SMAD3: variants seen among roughly 807,000 people sequenced by gnomAD.
SMAD3 encodes MAD homolog 3.
Under a neutral mutation model 51.8 loss-of-function variants are expected in SMAD3, and 12 were observed. That is an observed-to-expected ratio of 0.23 (90% CI 0.15 to 0.38). The LOEUF is 0.38. Among genes scored for constraint, SMAD3 ranks in the 10% least tolerant of loss-of-function variants. The pLI is 1.00. For missense variants in SMAD3, 294 were observed against 565.6 expected, an observed-to-expected ratio of 0.52 and a Z score of 4.87; for synonymous variants, 238 against 227.7, an observed-to-expected ratio of 1.05 and a Z score of -0.41.
At chr15:67,108,658 A>T (rs1960934938) in intron 1 of SMAD3, among the ~76,000 whole-genome samples, 1 of 152,130 alleles carries the variant, frequency 6.6e-6, no homozygotes, top group South Asian at 2.1e-4. Flanking sequence ...GCTCCATGGG[A>T]CTGGTCTCTG....
chr15:67,190,677 T>C lies in SMAD3; in HGVS notation c.*141T>C. The C allele has an allele frequency of 2.3e-6, 2 of 863,000 alleles. No individual in the cohort carries two copies. Among genetic ancestry groups the C allele is most frequent in the Non-Finnish European group, 3.7e-6 (2 of 544,980 alleles). 53.5% of individuals were successfully genotyped at this position (863,000 alleles called of 1,614,324 possible). On this transcript the variant is annotated 3_prime_UTR_variant, in exon 9 of 9. Transcript: ENST00000327367. ...TCAACTGAAGGGGTGCACCCACCTG[T>C]TTTCTGAAACACACGAGCAAACCCA...
intron 1 of SMAD3, among the ~76,000 whole-genome samples, chr15:67,144,748 G>A (rs1402708220): frequency 1.3e-5 from 2 of 152,168 alleles, no homozygotes; most frequent in Admixed American, 1.3e-4. Context: ...AAATGTTGAG[G>A]TCTTGCTTTC....
chr15:67,153,556 G>A (rs1394900471), intron 1 of SMAD3, among the ~76,000 whole-genome samples: 1 of 152,170 alleles, frequency 6.6e-6, no homozygotes, highest in Non-Finnish European at 1.5e-5. Context: ...CTTAGCCCAG[G>A]GGGATCTCAA....
At position 67,190,716 on chromosome 15, in the gene SMAD3, T is replaced by C. The variant is rs1378319549; in HGVS notation, c.*180T>C. The C allele has an allele frequency of 7.7e-6, 5 of 652,310 alleles. No individual in the cohort carries two copies. The highest frequency in any genetic ancestry group is 7.2e-5 in the South Asian group (4 of 55,312). 40.4% of individuals were successfully genotyped at this position (652,310 alleles called of 1,614,324 possible). A position where few individuals can be genotyped will look rare whatever the true frequency, so the allele number is the denominator to read the frequency against. ...CGAGCAAACCCAGAGGTGGATGTTA[T>C]GAACAGCTGTGTCTGCCAAACACAT... On this transcript the variant is annotated 3_prime_UTR_variant, in exon 9 of 9. Transcript: ENST00000327367.
rs79913183 is a variant in SMAD3 at position 67,185,231 on chromosome 15, C to T, written c.1009+367C>T. ...GGTAGATGCGGCCCTGCTCTGCCCC[C>T]GCAGACCTTACAGGCCTGCAGAGCA... On this transcript the variant is annotated intron_variant, in intron 7 of 8. Coordinates refer to ENST00000327367, the MANE Select transcript of SMAD3 (RefSeq NM_005902.4). Among the ~76,000 whole-genome samples, 1,481 of 152,290 alleles carry T rather than the reference C, an allele frequency of 9.7e-3. 9 individuals carry two copies. The highest frequency in any genetic ancestry group is 0.015 in the Non-Finnish European group (998 of 68,030).
At position 67,118,661 on chromosome 15, in the gene SMAD3, G is replaced by C. The variant is rs566209830; in HGVS notation, c.207-46234G>C. Among the ~76,000 whole-genome samples, 3 of 152,310 alleles carry C rather than the reference G, an allele frequency of 2.0e-5. No homozygotes were observed. In the South Asian group the frequency reaches 6.2e-4, roughly 32 times the overall value. On this transcript the variant is annotated intron_variant, in intron 1 of 8. Transcript: ENST00000327367. ...CAAAACACCAGTTTAAAATAGCTAG[G>C]TAAGGCTTCACAGTCTCTCAATGTG...
chr15:67,144,233 A>G (rs1961913017), intron 1 of SMAD3, among the ~76,000 whole-genome samples: 1 of 152,076 alleles, frequency 6.6e-6, no homozygotes. Context: ...AAAATTTTAT[A>G]TAAATGGAAT....
intron 1 of SMAD3, among the ~76,000 whole-genome samples, chr15:67,131,536 G>T (rs950350830): frequency 2.6e-5 from 4 of 152,176 alleles, no homozygotes; most frequent in Admixed American, 2.6e-4. Flanking sequence ...CAAGCACTGC[G>T]CAGGGTGCTG....
chr15:67,174,261 A>G (rs72743482), intron 5 of SMAD3: 24,790 of 152,228 alleles, frequency 0.16, 2,458 homozygotes, highest in Non-Finnish European at 0.22. Flanking sequence ...TTACCGCCCC[A>G]TTACCCATCC....
chr15:67,115,815 T>C (rs1954760972), intron 1 of SMAD3, among the ~76,000 whole-genome samples: 1 of 152,182 alleles, frequency 6.6e-6, no homozygotes, highest in African/African-American at 2.4e-5. Context: ...CTGCAAATGC[T>C]AGGAGTCATG....
At chr15:67,106,702 A>C (rs1212654525) in intron 1 of SMAD3, among the ~76,000 whole-genome samples, 1 of 152,164 alleles carries the variant, frequency 6.6e-6, no homozygotes, top group African/African-American at 2.4e-5. Flanking sequence ...TGATGGCCCC[A>C]CACACAGCTT....
At chr15:67,174,891 C>T (rs941379007) in intron 5 of SMAD3, among the ~76,000 whole-genome samples, 1 of 152,238 alleles carries the variant, frequency 6.6e-6, no homozygotes, top group African/African-American at 2.4e-5. Flanking sequence ...AAGGTTGAGC[C>T]TCCTTGCCCC....
chr15:67,148,220 C>T (rs889558287), intron 1 of SMAD3, among the ~76,000 whole-genome samples: 7 of 152,236 alleles, frequency 4.6e-5, no homozygotes, highest in Non-Finnish European at 7.4e-5. Flanking sequence ...ACTAGAGATC[C>T]GTTGAACCCA....
intron 3 of SMAD3, 54 bp downstream of exon 3, chr15:67,165,438 C>A: frequency 1.9e-6 from 3 of 1,603,028 alleles, no homozygotes; most frequent in South Asian, 1.1e-5. Context: ...GCGGTCAGCC[C>A]CGACATCAGT....
chr15:67,170,526 A>G, intron 4 of SMAD3, 28 bp from the exon 5 acceptor site: 1 of 1,604,730 alleles, frequency 6.2e-7, no homozygotes, highest in Non-Finnish European at 8.5e-7. Context: ...ATCTTTTGTG[A>G]AGTCTCACAA....
chr15:67,183,056 C>T (rs1314742729), intron 6 of SMAD3, among the ~76,000 whole-genome samples: 2 of 62,442 alleles, frequency 3.2e-5, no homozygotes, highest in South Asian at 6.6e-4. Flanking sequence ...TTTTTTGGAG[C>T]GGGGAGACCA....
chr15:67,082,378 C>G (rs1960297010), intron 1 of SMAD3, among the ~76,000 whole-genome samples: 1 of 152,134 alleles, frequency 6.6e-6, no homozygotes, highest in African/African-American at 2.4e-5. Context: ...GTCTTATTTT[C>G]CTGTTGACAA....
rs1345689050 is a variant in SMAD3 at position 67,193,770 on chromosome 15, A to G, written c.*3234A>G. 1 of 233,028 alleles carries G rather than the reference A, an allele frequency of 4.3e-6. No homozygotes were observed. Among genetic ancestry groups the G allele is most frequent in the African/African-American group, 2.2e-5 (1 of 45,188 alleles). 14.4% of individuals were successfully genotyped at this position (233,028 alleles called of 1,614,324 possible). A position where few individuals can be genotyped will look rare whatever the true frequency, so the allele number is the denominator to read the frequency against. On this transcript the variant is annotated 3_prime_UTR_variant, in exon 9 of 9. Transcript: ENST00000327367. ...TATACTGAAGTGAGCTATAGCACAT[A>G]TCATGTGCTTAGTTTGTTTATTTTT... is the stretch of plus-strand genomic sequence containing the variant.
At chr15:67,079,897 CT>C (rs1960246269) in intron 1 of SMAD3, among the ~76,000 whole-genome samples, 1 of 152,168 alleles carries the variant, frequency 6.6e-6, no homozygotes, top group South Asian at 2.1e-4. Flanking sequence ...GTTCAGATTA[CT>C]TAGGTAAGTT....
Sources: gnomAD v4.1 joint callset for allele counts (sites outside exome capture counted in the v4.1 genomes callset) on GRCh38, gnomAD v4.1.1 for gene constraint, MANE v1.5 for transcripts, NCBI Gene and HGNC (gene_info 2026-07-23, HGNC 2026-07-21) for gene names.